Variants in PLCB4 observed in about 807,000 individuals in gnomAD.
PLCB4 encodes 1-phosphatidylinositol 4,5-bisphosphate phosphodiesterase beta-4.
PLCB4 carries 77 observed loss-of-function variants against 178.8 expected under a neutral mutation model. The observed-to-expected ratio is 0.43, with a 90% CI of 0.36 to 0.52. The LOEUF (loss-of-function observed/expected upper bound fraction) is 0.52. Ranked by LOEUF, PLCB4 falls within the 20% of genes least tolerant of loss-of-function variation. The pLI is 0.00. For missense variants in PLCB4, 1,024 were observed against 1,453.4 expected, an observed-to-expected ratio of 0.70 and a Z score of 4.80; for synonymous variants, 496 against 490.8, an observed-to-expected ratio of 1.01 and a Z score of -0.14.
intron 22 of PLCB4, 61 bp from the exon 23 acceptor site, chr20:9,408,572 T>C: frequency 2.6e-6 from 2 of 776,922 alleles, no homozygotes; most frequent in South Asian, 1.5e-5. Flanking sequence ...TATTTATTGC[T>C]GTTTTTCGGT....
intron 30 of PLCB4, among the ~76,000 whole-genome samples, chr20:9,441,169 C>T (rs924361652): frequency 1.3e-5 from 2 of 152,124 alleles, no homozygotes; most frequent in South Asian, 2.1e-4. Flanking sequence ...TTCATGGGGC[C>T]GGGCAGTGTG....
chr20:9,345,114 A>G (rs2033660626), intron 7 of PLCB4, among the ~76,000 whole-genome samples: 2 of 152,186 alleles, frequency 1.3e-5, no homozygotes. Flanking sequence ...GCTTGAACCC[A>G]GGAGGTGGAG....
chr20:9,310,258 G>T (rs780629066), intron 4 of PLCB4, among the ~76,000 whole-genome samples: 1 of 152,132 alleles, frequency 6.6e-6, no homozygotes, highest in Non-Finnish European at 1.5e-5. Context: ...CCAGTGCGAG[G>T]AATAAGATTA....
intron 29 of PLCB4, among the ~76,000 whole-genome samples, chr20:9,436,402 A>G (rs1226844073): frequency 6.6e-6 from 1 of 152,228 alleles, no homozygotes; most frequent in Non-Finnish European, 1.5e-5. Flanking sequence ...CCCAGGCTGG[A>G]GTGCAGTAGT....
chr20:9,168,619 C>T (rs1600855674), intron 2 of PLCB4, among the ~76,000 whole-genome samples: 3 of 152,264 alleles, frequency 2.0e-5, no homozygotes, highest in Admixed American at 2.0e-4. Context: ...ATTTCAGGGA[C>T]CACACTTTGA....
intron 3 of PLCB4, among the ~76,000 whole-genome samples, chr20:9,226,273 A>G (rs2147321357): frequency 6.6e-6 from 1 of 152,274 alleles, no homozygotes; most frequent in African/African-American, 2.4e-5. Context: ...GTGTTTTTTT[A>G]TACTCCTCAT....
chr20:9,392,964 A>G (rs1283375987), intron 17 of PLCB4, among the ~76,000 whole-genome samples: 3 of 152,098 alleles, frequency 2.0e-5, no homozygotes, highest in African/African-American at 7.2e-5. Flanking sequence ...TAGATACAGG[A>G]CGGTTCTGTA....
chr20:9,461,996 C>A (rs1231945215), intron 35 of PLCB4, among the ~76,000 whole-genome samples: 2 of 152,128 alleles, frequency 1.3e-5, no homozygotes, highest in East Asian at 3.9e-4. Flanking sequence ...TGGGAGACAC[C>A]ACCAAGCAGG....
chr20:9,472,776 C>A lies in PLCB4; in HGVS notation c.3351-14C>A. On this transcript the variant is annotated splice_polypyrimidine_tract_variant and intron_variant, in intron 36 of 39. Coordinates refer to ENST00000378473, the MANE Select transcript of PLCB4 (RefSeq NM_001377142.1). ...AATGTCATACCAACCGTTATTTGTG[C>A]CCATTGCTTTTAGGCGAGTCAGGGA... 3 of 1,549,468 alleles carry A rather than the reference C, an allele frequency of 1.9e-6. No individual in the cohort carries two copies. Among genetic ancestry groups the A allele is most frequent in the Non-Finnish European group, 2.7e-6 (3 of 1,131,588 alleles).
intron 3 of PLCB4, among the ~76,000 whole-genome samples, chr20:9,243,774 C>T (rs2094093663): frequency 6.6e-6 from 1 of 152,172 alleles, no homozygotes; most frequent in African/African-American, 2.4e-5. Flanking sequence ...GTGCCACTTC[C>T]TAGCCTCCTG....
intron 2 of PLCB4, among the ~76,000 whole-genome samples, chr20:9,121,423 T>G (rs2146752525): frequency 6.6e-6 from 1 of 152,288 alleles, no homozygotes; most frequent in Non-Finnish European, 1.5e-5. Flanking sequence ...TTCTCACCAT[T>G]TTCTGTTTCT....
intron 7 of PLCB4, among the ~76,000 whole-genome samples, chr20:9,359,848 G>C (rs945245392): frequency 1.3e-5 from 2 of 152,078 alleles, no homozygotes; most frequent in Non-Finnish European, 2.9e-5. Flanking sequence ...TCTAGTTCAC[G>C]CCTGGCGTAA....
intron 2 of PLCB4, among the ~76,000 whole-genome samples, chr20:9,098,917 G>A (rs1476500329): frequency 4.0e-5 from 6 of 148,588 alleles, no homozygotes; most frequent in East Asian, 2.0e-4. Context: ...GTCTGGCGAC[G>A]TATATATATA....
chr20:9,332,697 CT>C (rs1209015570), intron 4 of PLCB4, among the ~76,000 whole-genome samples: 1 of 151,932 alleles, frequency 6.6e-6, no homozygotes, highest in African/African-American at 2.4e-5. Context: ...TTTTTTTTCC[CT>C]TTTTTGCTTT....
chr20:9,413,658 CA>C (rs869124730), intron 25 of PLCB4, among the ~76,000 whole-genome samples: 11,970 of 67,440 alleles, frequency 0.18, 591 homozygotes, highest in East Asian at 0.36. Flanking sequence ...GACTCCATCT[CA>C]AAAAAAAAAA....
Position 9,242,634 on chromosome 20 carries a change from C to G in PLCB4, c.-16+25182C>G, listed in dbSNP as rs556377043. Among the ~76,000 whole-genome samples, 259 of 152,334 alleles carry G rather than the reference C, an allele frequency of 1.7e-3. 1 individual carries two copies. Among genetic ancestry groups the G allele is most frequent in the Non-Finnish European group, 2.7e-3 (184 of 68,036 alleles). On this transcript the variant is annotated intron_variant, in intron 3 of 39. Coordinates refer to ENST00000378473, the MANE Select transcript of PLCB4 (RefSeq NM_001377142.1). ...ACACAGATGAGACTCTCATGCCCTTCTCTTGGCTTAGGCTGTTTAGCTGGG... is the reference window on the plus strand; with the variant it reads ...ACACAGATGAGACTCTCATGCCCTTGTCTTGGCTTAGGCTGTTTAGCTGGG...
At chr20:9,377,857 G>C (rs1168801443) in intron 12 of PLCB4, among the ~76,000 whole-genome samples, 2 of 152,126 alleles carry the variant, frequency 1.3e-5, no homozygotes, top group African/African-American at 4.8e-5. Context: ...ATGTTAAAAT[G>C]CATACCTTTA....
At chr20:9,130,531 A>AT (rs1305906102) in intron 2 of PLCB4, among the ~76,000 whole-genome samples, 1 of 152,206 alleles carries the variant, frequency 6.6e-6, no homozygotes, top group Non-Finnish European at 1.5e-5. Flanking sequence ...AATAGACAGT[A>AT]ATGTCACTGC....
intron 2 of PLCB4, among the ~76,000 whole-genome samples, chr20:9,125,027 T>C (rs2092074813): frequency 6.6e-6 from 1 of 152,194 alleles, no homozygotes; most frequent in African/African-American, 2.4e-5. Flanking sequence ...ATGTTAAGCC[T>C]GGCCCCATTA....
Sources: allele counts gnomAD v4.1 joint callset (sites outside exome capture counted in the v4.1 genomes callset), GRCh38; gene constraint gnomAD v4.1.1; transcripts MANE v1.5; gene names NCBI Gene and HGNC (gene_info 2026-07-23, HGNC 2026-07-21).